CYRIA: variants seen among roughly 807,000 people sequenced by gnomAD.
CYRIA encodes CYFIP related Rac1 interactor A.
In CYRIA, 15 loss-of-function variants were observed where a neutral mutation model predicts 43.9. The observed-to-expected ratio is 0.34, with a 90% CI of 0.23 to 0.53. CYRIA has a LOEUF of 0.53. CYRIA is among the 20% of genes least tolerant of loss of function. CYRIA has a pLI of 0.94. For synonymous variants in CYRIA, 117 were observed against 136.0 expected (o/e 0.86, Z 0.97); for missense variants, 236 against 394.2 (o/e 0.60, Z 3.40).
At chr2:16,573,554 G>C (rs1341347189) in intron 3 of CYRIA, among the ~76,000 whole-genome samples, 1 of 152,238 alleles carries the variant, frequency 6.6e-6, no homozygotes, top group Non-Finnish European at 1.5e-5. Flanking sequence ...TGGTTTGGCT[G>C]TGTCCCCACC....
At chr2:16,633,543 CTTTTTTTTTTTT>C (rs755223919) in intron 1 of CYRIA, among the ~76,000 whole-genome samples, 8 of 92,334 alleles carry the variant, frequency 8.7e-5, no homozygotes, top group Admixed American at 1.4e-4. Context: ...CTATCCCTGG[CTTTTTTTTTTTT>C]TTTTTTTTTT....
chr2:16,634,559 G>C (rs1259197610), intron 1 of CYRIA, among the ~76,000 whole-genome samples: 1 of 152,222 alleles, frequency 6.6e-6, no homozygotes, highest in East Asian at 1.9e-4. Flanking sequence ...TAACAGAAGA[G>C]GGGGATAACT....
chr2:16,576,402 C>CT (rs1345232136), intron 3 of CYRIA, among the ~76,000 whole-genome samples: 1 of 152,174 alleles, frequency 6.6e-6, no homozygotes, highest in South Asian at 2.1e-4. Context: ...AATATAGAGA[C>CT]TTTTTTCAGG....
At position 16,561,019 on chromosome 2, in the gene CYRIA, T is replaced by A; in HGVS notation, c.681A>T (p.Thr227=). 6.2e-7 allele frequency: 1 copy of A among 1,613,810 alleles called. No individual in the cohort carries two copies. The highest frequency in any genetic ancestry group is 8.5e-7 in the Non-Finnish European group (1 of 1,179,784). ...TTTCCAGCATGACTTTACAGACACT[T>A]GTCATTGTGCTGAGGCAGTCTGTGG... ...ENTTDCLSTM[T]SVCKVMLETP... Residue 227 remains threonine, a synonymous_variant, in exon 9 of 12, where the codon ACA becomes ACT. Coordinates refer to ENST00000381323, the MANE Select transcript of CYRIA (RefSeq NM_030797.4).
chr2:16,613,686 T>C (rs1668682812), intron 2 of CYRIA, among the ~76,000 whole-genome samples: 2 of 152,184 alleles, frequency 1.3e-5, no homozygotes, highest in Non-Finnish European at 2.9e-5. Context: ...CCTGGTCAGG[T>C]AGGTACCGAA....
chr2:16,646,876 C>T (rs887247732), intron 1 of CYRIA, among the ~76,000 whole-genome samples: 3 of 152,048 alleles, frequency 2.0e-5, no homozygotes, highest in African/African-American at 7.3e-5. Flanking sequence ...AAGATGAGTC[C>T]TCTCCTGCAT....
At chr2:16,640,412 C>A (rs72777948) in intron 1 of CYRIA, among the ~76,000 whole-genome samples, 13,484 of 152,296 alleles carry the variant, frequency 0.089, 732 homozygotes, top group South Asian at 0.16. Context: ...CATGCCCCAG[C>A]TGGCCCTGGC....
At chr2:16,647,140 G>C (rs1669844213) in intron 1 of CYRIA, among the ~76,000 whole-genome samples, 1 of 152,166 alleles carries the variant, frequency 6.6e-6, no homozygotes, top group African/African-American at 2.4e-5. Context: ...ATGCATACCA[G>C]GTAACAGGGG....
At chr2:16,601,270 C>T (rs1321547314) in intron 2 of CYRIA, among the ~76,000 whole-genome samples, 1 of 152,058 alleles carries the variant, frequency 6.6e-6, no homozygotes, top group East Asian at 1.9e-4. Flanking sequence ...GTGAAGAATA[C>T]TGGGAATCCG....
intron 11 of CYRIA, 125 bp downstream of exon 11, chr2:16,554,944 A>C: frequency 1.7e-6 from 1 of 593,096 alleles, no homozygotes; most frequent in Non-Finnish European, 2.9e-6. Context: ...AAAGATTGTT[A>C]GGAAGATTCA....
chr2:16,564,703 C>T (rs193290172), intron 4 of CYRIA, among the ~76,000 whole-genome samples: 1 of 151,980 alleles, frequency 6.6e-6, no homozygotes, highest in African/African-American at 2.4e-5. Flanking sequence ...TATTGGCATG[C>T]GTATATGTAT....
chr2:16,607,259 G>A (rs1336835041), intron 2 of CYRIA, among the ~76,000 whole-genome samples: 1 of 147,812 alleles, frequency 6.8e-6, no homozygotes. Context: ...GACAGGAAAG[G>A]TGGATGAGGT....
At chr2:16,587,524 A>T (rs1667772666) in intron 3 of CYRIA, among the ~76,000 whole-genome samples, 1 of 152,140 alleles carries the variant, frequency 6.6e-6, no homozygotes. Context: ...CTTAAAAATT[A>T]GGGAAAAAGG....
At chr2:16,647,498 G>A (rs1669851194) in intron 1 of CYRIA, among the ~76,000 whole-genome samples, 1 of 152,070 alleles carries the variant, frequency 6.6e-6, no homozygotes, top group Non-Finnish European at 1.5e-5. Flanking sequence ...AAAAAGATTA[G>A]ACCCAGCCCA....
At chr2:16,649,900 CA>C (rs1669927255) in intron 1 of CYRIA, among the ~76,000 whole-genome samples, 1 of 152,184 alleles carries the variant, frequency 6.6e-6, no homozygotes, top group African/African-American at 2.4e-5. Flanking sequence ...AGGACTTGGA[CA>C]TTTGCCTTGT....
intron 3 of CYRIA, among the ~76,000 whole-genome samples, chr2:16,576,867 C>T (rs375563154): frequency 2.6e-5 from 4 of 152,134 alleles, no homozygotes; most frequent in Non-Finnish European, 4.4e-5. Flanking sequence ...TATGCAACAA[C>T]GTGAATGAAC....
chr2:16,553,436 C>A (rs540045213), intron 11 of CYRIA, among the ~76,000 whole-genome samples: 1 of 152,102 alleles, frequency 6.6e-6, no homozygotes, highest in Non-Finnish European at 1.5e-5. Flanking sequence ...CAAGGGGGCA[C>A]AAATGCTGGT....
intron 1 of CYRIA, among the ~76,000 whole-genome samples, chr2:16,634,402 G>A (rs1669430103): frequency 6.6e-6 from 1 of 152,148 alleles, no homozygotes; most frequent in Non-Finnish European, 1.5e-5. Flanking sequence ...CACATCTGAT[G>A]GTAAGTAACA....
chr2:16,637,887 A>G (rs1478887056), intron 1 of CYRIA, among the ~76,000 whole-genome samples: 5 of 152,218 alleles, frequency 3.3e-5, no homozygotes, highest in African/African-American at 1.2e-4. Flanking sequence ...CAATGGCAGA[A>G]GGGTGTCTGA....
Sources: gnomAD v4.1 joint callset for allele counts (sites outside exome capture counted in the v4.1 genomes callset) on GRCh38, gnomAD v4.1.1 for gene constraint, MANE v1.5 for transcripts, NCBI Gene and HGNC (gene_info 2026-07-23, HGNC 2026-07-21) for gene names.